The following DOP1B variants were observed in gnomAD, a reference collection of about 807,000 sequenced individuals.
DOP1B encodes the protein DOP1 leucine zipper like protein B, also known as protein DOP1B.
DOP1B carries 174 observed loss-of-function variants against 233.5 expected under a neutral mutation model. That is an observed-to-expected ratio of 0.75 (90% CI 0.66 to 0.85). DOP1B has a LOEUF of 0.85. Ranked by LOEUF, DOP1B falls within the 40% of genes least tolerant of loss-of-function variation. DOP1B has a pLI of 0.00. For missense variants in DOP1B, 2,652 were observed against 2,846.6 expected (o/e 0.93, Z 1.56); for synonymous variants, 1,190 against 1,185.6 (o/e 1.00, Z -0.08).
At chr21:36,203,068 G>A (rs905457692) in intron 4 of DOP1B, among the ~76,000 whole-genome samples, 27 of 152,358 alleles carry the variant, frequency 1.8e-4, no homozygotes, top group Admixed American at 1.4e-3. Context: ...AATAGTTGGA[G>A]TGTTTTTGTT....
intron 2 of DOP1B, chr21:36,168,985 CT>C: frequency 1.3e-6 from 1 of 741,088 alleles, no homozygotes. Context: ...CTCCTTCTTC[CT>C]TTGCAATTCG....
At chr21:36,244,484 G>T (rs2066931202) in intron 18 of DOP1B, among the ~76,000 whole-genome samples, 1 of 152,040 alleles carries the variant, frequency 6.6e-6, no homozygotes, top group African/African-American at 2.4e-5. Flanking sequence ...GAGTTCAGTG[G>T]CACAATTTCA....
chr21:36,160,415 G>C (rs1202115052), intron 1 of DOP1B, among the ~76,000 whole-genome samples: 1 of 151,794 alleles, frequency 6.6e-6, no homozygotes, highest in African/African-American at 2.4e-5. Context: ...GGAGGGTGCA[G>C]TGACAAGTGG....
chr21:36,266,512 T>C (rs1362951495), intron 26 of DOP1B, among the ~76,000 whole-genome samples: 1 of 152,128 alleles, frequency 6.6e-6, no homozygotes, highest in Non-Finnish European at 1.5e-5. Context: ...AGGATACAGA[T>C]GAAGCGATGA....
intron 14 of DOP1B, among the ~76,000 whole-genome samples, chr21:36,231,873 G>A (rs977530170): frequency 4.3e-5 from 6 of 138,472 alleles, no homozygotes; most frequent in Non-Finnish European, 6.1e-5. Context: ...TTGAGACAGC[G>A]TCTTGCTCTG....
intron 30 of DOP1B, among the ~76,000 whole-genome samples, chr21:36,279,629 G>A (rs1389792845): frequency 6.6e-6 from 1 of 152,096 alleles, no homozygotes; most frequent in Non-Finnish European, 1.5e-5. Context: ...GCTAAGGGTG[G>A]TATTTGTCTT....
In DOP1B at chr21:36,245,035, T is replaced by A. The variant is rs2066938989; in HGVS notation, c.3068-13T>A. The A allele has an allele frequency of 6.3e-7, 1 of 1,581,894 alleles. No homozygotes were observed. Among genetic ancestry groups the A allele is most frequent in the Non-Finnish European group, 8.6e-7 (1 of 1,157,908 alleles). ...CTTCTGTCTAAAGTCATTTGTCATC[T>A]TGTAATTTTCAGATGACTTGCACCG... On this transcript the variant is annotated splice_polypyrimidine_tract_variant and intron_variant, in intron 18 of 36. Coordinates refer to ENST00000691173, the MANE Select transcript of DOP1B (RefSeq NM_001320714.2). The surrounding 1 kb of genome is among the most constrained non-coding windows in gnomAD (Gnocchi z 5.5).
At chr21:36,238,838 C>T in intron 17 of DOP1B, 137 bp downstream of exon 17, 1 of 813,840 alleles carries the variant, frequency 1.2e-6, no homozygotes, top group Admixed American at 2.2e-5. Context: ...TGTGGTGGCT[C>T]ACGCCTGTAA....
At chr21:36,239,583 G>C (rs2066868163) in intron 17 of DOP1B, among the ~76,000 whole-genome samples, 182 bp from the exon 18 acceptor site, 1 of 152,210 alleles carries the variant, frequency 6.6e-6, no homozygotes. Flanking sequence ...TCCCACTGGT[G>C]ATTCCAACGC....
intron 15 of DOP1B, among the ~76,000 whole-genome samples, chr21:36,235,558 T>TA (rs879859321): frequency 0.011 from 1,600 of 142,906 alleles, 27 homozygotes; most frequent in African/African-American, 0.037. Flanking sequence ...ATCCCATGTC[T>TA]AAAAAAAAAA....
At chr21:36,228,598 C>T (rs1193412150) in intron 13 of DOP1B, among the ~76,000 whole-genome samples, 2 of 151,780 alleles carry the variant, frequency 1.3e-5, no homozygotes, top group South Asian at 2.1e-4. Context: ...AACCCTGCCT[C>T]TACTAAAAAT....
Position 36,211,967 on chromosome 21 carries a change from C to G in DOP1B, c.781-7C>G. The G allele has an allele frequency of 6.2e-7, 1 of 1,613,878 alleles. No individual in the cohort carries two copies. The highest frequency in any genetic ancestry group is 8.5e-7 in the Non-Finnish European group (1 of 1,179,950). On this transcript the variant is annotated splice_polypyrimidine_tract_variant and splice_region_variant and intron_variant, in intron 6 of 36. Coordinates refer to ENST00000691173, the MANE Select transcript of DOP1B (RefSeq NM_001320714.2). ...CCTTGCAGTAAATTTCTCTGTCCTT[C>G]TAATAGGATTCCAATGAGAGAGCCA...
At chr21:36,217,074 C>CAAAAA (rs11353414) in intron 9 of DOP1B, among the ~76,000 whole-genome samples, 2 of 100,028 alleles carry the variant, frequency 2.0e-5, no homozygotes, top group Admixed American at 1.0e-4. Flanking sequence ...GACTCCATCT[C>CAAAAA]AAAAAAAAAA....
At chr21:36,272,730 A>G (rs1052073837) in intron 27 of DOP1B, among the ~76,000 whole-genome samples, 1 of 151,746 alleles carries the variant, frequency 6.6e-6, no homozygotes, top group African/African-American at 2.4e-5. Context: ...CACGCCTGTA[A>G]TCCCAGCACT....
chr21:36,279,875 TTTTG>T (rs749170332), intron 30 of DOP1B, among the ~76,000 whole-genome samples: 133 of 152,284 alleles, frequency 8.7e-4, no homozygotes, highest in Non-Finnish European at 1.7e-3. Context: ...AAAGCAGTTT[TTTTG>T]TTTGTTTGTT....
intron 11 of DOP1B, among the ~76,000 whole-genome samples, chr21:36,224,601 G>T (rs2066661305): frequency 6.6e-6 from 1 of 151,644 alleles, no homozygotes; most frequent in South Asian, 2.1e-4. Flanking sequence ...TGAGATTAAT[G>T]TCTGTCTTCA....
intron 4 of DOP1B, among the ~76,000 whole-genome samples, chr21:36,205,355 G>T (rs1373655412): frequency 6.8e-6 from 1 of 146,786 alleles, no homozygotes; most frequent in Non-Finnish European, 1.5e-5. Context: ...TGGAAGTTGG[G>T]TTTTTTTTTT....
At chr21:36,165,019 A>T (rs2065895844) in intron 2 of DOP1B, 148 bp downstream of exon 2, 1 of 709,018 alleles carries the variant, frequency 1.4e-6, no homozygotes, top group Non-Finnish European at 1.9e-6. Context: ...ATATTATTTC[A>T]AGGAAATACC....
chr21:36,220,166 T>G lies in DOP1B; in HGVS notation c.1250+674T>G, dbSNP rs2051246. 7.8e-3 allele frequency among the ~76,000 whole-genome samples: 1,186 copies of G among 152,306 alleles called. 42 individuals carry two copies. In the East Asian group the frequency reaches 0.11, roughly 14 times the overall value. ...TCCTTCTGCCTGAACTAGCATTGGGTACATTGAAAATTTAAATCAATGTTA... is the reference window on the plus strand; with the variant it reads ...TCCTTCTGCCTGAACTAGCATTGGGGACATTGAAAATTTAAATCAATGTTA... On this transcript the variant is annotated intron_variant, in intron 10 of 36. Coordinates refer to ENST00000691173, the MANE Select transcript of DOP1B (RefSeq NM_001320714.2).
Sources: allele counts gnomAD v4.1 joint callset (sites outside exome capture counted in the v4.1 genomes callset), GRCh38; gene constraint gnomAD v4.1.1; non-coding constraint Gnocchi (gnomAD v3.1); transcripts MANE v1.5; gene names NCBI Gene and HGNC (gene_info 2026-07-23, HGNC 2026-07-21).